Variants in ARHGEF10 observed in about 807,000 individuals in gnomAD.
ARHGEF10 encodes the protein Rho guanine nucleotide exchange factor 10.
A neutral mutation model predicts 147.4 loss-of-function variants in ARHGEF10; 140 were observed. The ratio of observed to expected loss-of-function variants is 0.95; its 90% CI spans 0.83 to 1.09. The LOEUF (loss-of-function observed/expected upper bound fraction) is 1.09. Among genes scored for constraint, ARHGEF10 ranks in the 50% least tolerant of loss-of-function variants. The pLI is 0.00. For missense variants in ARHGEF10, 2,222 were observed against 1,752.7 expected (o/e 1.27, Z -4.78); for synonymous variants, 902 against 695.8 (o/e 1.30, Z -4.67).
At chr8:1,874,632 G>T (rs1377811526) in intron 7 of ARHGEF10, among the ~76,000 whole-genome samples, 8 of 151,838 alleles carry the variant, frequency 5.3e-5, no homozygotes, top group African/African-American at 1.5e-4. Flanking sequence ...TCTAAGACAG[G>T]CTGGAGGAAC....
In ARHGEF10 at chr8:1,860,116, A is replaced by G. The variant is rs1256482547; in HGVS notation, c.413A>G (p.Asn138Ser). ...CCCTGCGGCTATGCGGTGCCCTCCAACCTGCCCCTCCTGCTGCCCGCCTAC... is the reference window on the plus strand; with the variant it reads ...CCCTGCGGCTATGCGGTGCCCTCCAGCCTGCCCCTCCTGCTGCCCGCCTAC... ...PVPCGYAVPS[N>S]LPLLLPAYSS... Residue 138 changes from asparagine (N) to serine (S), a missense_variant, in exon 4 of 29, where the codon AAC (asparagine) becomes AGC (serine). Coordinates refer to ENST00000349830, the MANE Select transcript of ARHGEF10 (RefSeq NM_014629.4). 2 of 1,613,770 alleles carry G rather than the reference A, an allele frequency of 1.2e-6. No individual in the cohort carries two copies. Among genetic ancestry groups the G allele is most frequent in the Admixed American group, 3.3e-5 (2 of 59,986 alleles).
rs1408740741 is a variant in ARHGEF10 at position 1,888,260 on chromosome 8, G to C, written c.1182+2553G>C. Reference sequence around the variant, plus strand: ...AGTGTGGTGAGGGTTGCGAGGAGATGCTGAGTGGGGCTGTAGGTTCTGAGG... The same window carrying C: ...AGTGTGGTGAGGGTTGCGAGGAGATCCTGAGTGGGGCTGTAGGTTCTGAGG... On this transcript the variant is annotated intron_variant, in intron 11 of 28. Transcript: ENST00000349830. Among the ~76,000 whole-genome samples the C allele has an allele frequency of 3.9e-4, 23 of 59,336 alleles. 4 individuals are homozygous for C. The highest frequency in any genetic ancestry group is 9.7e-4 in the African/African-American group (15 of 15,406). 38.9% of individuals were successfully genotyped at this position (59,336 alleles called of 152,430 possible). A position where few individuals can be genotyped will look rare whatever the true frequency, so the allele number is the denominator to read the frequency against.
chr8:1,916,781 GAATT>G (rs1157798628), intron 18 of ARHGEF10, among the ~76,000 whole-genome samples: 1 of 152,150 alleles, frequency 6.6e-6, no homozygotes, highest in East Asian at 1.9e-4. Context: ...TTTCTCCTGG[GAATT>G]AATTCTTGTT....
chr8:1,823,772 G>C (rs938406597), upstream of ARHGEF10, among the ~76,000 whole-genome samples: 1 of 152,000 alleles, frequency 6.6e-6, no homozygotes, highest in South Asian at 2.1e-4. Flanking sequence ...GGCAGCGGGA[G>C]GGGGCGCGGG....
intron 1 of ARHGEF10, among the ~76,000 whole-genome samples, chr8:1,834,692 GGTTGA>G (rs922874119): frequency 9.2e-5 from 14 of 152,376 alleles, no homozygotes; most frequent in Admixed American, 5.9e-4. Context: ...TGCGGTGTTT[GGTTGA>G]GTTAACCATG....
Position 1,905,567 on chromosome 8 carries a change from C to T in ARHGEF10, c.1822-4C>T, listed in dbSNP as rs58859060. The T allele has an allele frequency of 1.2e-6, 2 of 1,614,118 alleles. No homozygotes were observed. Among genetic ancestry groups the T allele is most frequent in the Non-Finnish European group, 1.7e-6 (2 of 1,180,018 alleles). On this transcript the variant is annotated splice_region_variant and splice_polypyrimidine_tract_variant and intron_variant, in intron 16 of 28. Coordinates refer to ENST00000349830, the MANE Select transcript of ARHGEF10 (RefSeq NM_014629.4). ...GGTCCCTGGGCTGTGTTTTGAATGTCCAGCTTCTCAGCAGTGGAAGCCGAT... is the reference window on the plus strand; with the variant it reads ...GGTCCCTGGGCTGTGTTTTGAATGTTCAGCTTCTCAGCAGTGGAAGCCGAT...
In ARHGEF10 at chr8:1,866,526, T is replaced by A. The variant is rs1806629908; in HGVS notation, c.546T>A (p.Ser182Arg). Residue 182 changes from serine to arginine, a missense_variant and splice_region_variant, in exon 6 of 29, where the codon AGT becomes AGA. Coordinates refer to ENST00000349830, the MANE Select transcript of ARHGEF10 (RefSeq NM_014629.4). ...GACTTTATGGTTTGTTTTCTTTAAG[T>A]GAAGATCAAGTCGGTCGAGAGGACA... ...NSLSSEEPPT[S>R]EDQVGREDSA... 18 of 1,611,974 alleles carry A rather than the reference T, an allele frequency of 1.1e-5. No individual in the cohort carries two copies. The highest frequency in any genetic ancestry group is 1.4e-5 in the Non-Finnish European group (17 of 1,179,958).
At chr8:1,897,604 G>T (rs1158412349) in intron 14 of ARHGEF10, among the ~76,000 whole-genome samples, 1 of 151,414 alleles carries the variant, frequency 6.6e-6, no homozygotes, top group East Asian at 1.9e-4. Flanking sequence ...ACTCTCGACA[G>T]TTGTGGGCTC....
chr8:1,938,999 G>C (rs1474545070), intron 26 of ARHGEF10, among the ~76,000 whole-genome samples: 2 of 138,874 alleles, frequency 1.4e-5, no homozygotes, highest in Admixed American at 7.8e-5. Flanking sequence ...CCCGAACACT[G>C]TTGAATACCA....
intron 26 of ARHGEF10, among the ~76,000 whole-genome samples, chr8:1,942,434 G>C (rs769379197): frequency 6.6e-6 from 1 of 151,770 alleles, no homozygotes; most frequent in Non-Finnish European, 1.5e-5. Context: ...AGGATGGCAG[G>C]AATAATAATG....
intron 11 of ARHGEF10, among the ~76,000 whole-genome samples, chr8:1,887,558 A>G (rs1314037153): frequency 6.9e-6 from 1 of 145,006 alleles, no homozygotes; most frequent in Non-Finnish European, 1.5e-5. Flanking sequence ...GAGTTGGGTG[A>G]GGAGTCTGTG....
intron 18 of ARHGEF10, among the ~76,000 whole-genome samples, chr8:1,917,861 A>G (rs546006924): frequency 9.3e-5 from 14 of 150,724 alleles, no homozygotes; most frequent in Admixed American, 1.3e-4. Flanking sequence ...TGCAACCTCC[A>G]CCTCCTGGGT....
intron 17 of ARHGEF10, among the ~76,000 whole-genome samples, 176 bp from the exon 18 acceptor site, chr8:1,909,118 TA>T (rs1811150568): frequency 6.6e-6 from 1 of 152,190 alleles, no homozygotes; most frequent in Admixed American, 6.5e-5. Context: ...GAGGCCTCTT[TA>T]TGGCAGCAAG....
chr8:1,832,735 CAGA>C (rs1803247456), intron 1 of ARHGEF10, among the ~76,000 whole-genome samples: 1 of 36,560 alleles, frequency 2.7e-5, no homozygotes. Context: ...GAGACAGAGG[CAGA>C]GGCAGAGGCA....
At chr8:1,867,181 T>C (rs1806699100) in intron 6 of ARHGEF10, among the ~76,000 whole-genome samples, 1 of 152,208 alleles carries the variant, frequency 6.6e-6, no homozygotes, top group Non-Finnish European at 1.5e-5. Flanking sequence ...CTTATTTATT[T>C]GTAACTTAAA....
intron 7 of ARHGEF10, among the ~76,000 whole-genome samples, chr8:1,873,502 T>C (rs1295781919): frequency 2.7e-5 from 3 of 110,798 alleles, no homozygotes; most frequent in African/African-American, 4.0e-5. Flanking sequence ...TGCACCCGCA[T>C]TTCCTCGTTT....
intron 8 of ARHGEF10, among the ~76,000 whole-genome samples, chr8:1,877,760 A>G (rs1339139301): frequency 6.6e-6 from 1 of 151,014 alleles, no homozygotes; most frequent in Non-Finnish European, 1.5e-5. Flanking sequence ...AAAAGGATAG[A>G]TTTGTGCTCA....
intron 11 of ARHGEF10, among the ~76,000 whole-genome samples, chr8:1,891,613 C>G (rs1186353568): frequency 6.6e-6 from 1 of 152,158 alleles, no homozygotes; most frequent in Non-Finnish European, 1.5e-5. Flanking sequence ...TCCTCCAGCC[C>G]TGGCTTTGTC....
At chr8:1,864,526 C>T (rs1248939723) in intron 5 of ARHGEF10, 90 bp downstream of exon 5, 2 of 1,347,858 alleles carry the variant, frequency 1.5e-6, no homozygotes, top group African/African-American at 1.4e-5. Context: ...TCCCTGCCCG[C>T]CATCCTCAGC....
Sources: allele counts gnomAD v4.1 joint callset (sites outside exome capture counted in the v4.1 genomes callset), GRCh38; gene constraint gnomAD v4.1.1; transcripts MANE v1.5; gene names NCBI Gene and HGNC (gene_info 2026-07-23, HGNC 2026-07-21).